GREB1: variants seen among roughly 807,000 people sequenced by gnomAD.
The protein encoded by GREB1 is protein GREB1.
GREB1 carries 106 observed loss-of-function variants against 200.7 expected under a neutral mutation model. The observed-to-expected ratio is 0.53, with a 90% CI of 0.45 to 0.62. The LOEUF (loss-of-function observed/expected upper bound fraction) is 0.62, where lower values mean the gene tolerates loss of function less well. GREB1 is among the 20% of genes least tolerant of loss of function. The pLI is 0.00. For missense variants in GREB1, 2,243 were observed against 2,556.8 expected (o/e 0.88, Z 2.65); for synonymous variants, 1,132 against 1,092.4 (o/e 1.04, Z -0.72).
rs746393853 is a variant in GREB1 at position 11,556,711 on chromosome 2, C to G, written c.97C>G (p.Pro33Ala). Residue 33 changes from proline (P) to alanine (A), a missense_variant, in exon 2 of 33, where the codon CCC becomes GCC. This residue lies in a region of GREB1 where 1,178 missense variants were observed against 1,387.4 expected (regional missense o/e 0.85). Transcript: ENST00000381486. ...EASLRSNNLV[P>A]RPIFSQLYLE... ...ATCCCTGCGGTCCAACAACCTGGTGCCCAGGCCCATCTTTTCCCAGCTGTA... is the reference window on the plus strand; with the variant it reads ...ATCCCTGCGGTCCAACAACCTGGTGGCCAGGCCCATCTTTTCCCAGCTGTA... 1.2e-6 allele frequency: 2 copies of G among 1,613,930 alleles called. No individual in the cohort carries two copies. Among genetic ancestry groups the G allele is most frequent in the Non-Finnish European group, 1.7e-6 (2 of 1,179,934 alleles).
At chr2:11,591,559 C>T in intron 10 of GREB1, 2 of 672,764 alleles carry the variant, frequency 3.0e-6, no homozygotes, top group East Asian at 2.7e-5. Flanking sequence ...AATGATGGTA[C>T]CCAGTGGTGC....
chr2:11,594,804 T>C (rs1208907037), intron 11 of GREB1, among the ~76,000 whole-genome samples: 1 of 152,152 alleles, frequency 6.6e-6, no homozygotes, highest in Non-Finnish European at 1.5e-5. Context: ...ACCATTCTCC[T>C]GCCTCAGCCT....
At chr2:11,540,081 G>A (rs1674614829) in intron 1 of GREB1, 1 of 152,324 alleles carries the variant, frequency 6.6e-6, no homozygotes, top group Non-Finnish European at 1.5e-5. Context: ...GGTCTGTGGA[G>A]TGCCTGAAGT....
intron 1 of GREB1, among the ~76,000 whole-genome samples, chr2:11,511,833 G>A (rs1456234643): frequency 6.6e-6 from 1 of 152,174 alleles, no homozygotes; most frequent in Admixed American, 6.5e-5. Flanking sequence ...CCTGCCTCTA[G>A]AGCTGATGTG....
intron 18 of GREB1, 30 bp downstream of exon 18, chr2:11,611,057 G>A: frequency 6.7e-7 from 1 of 1,502,652 alleles, no homozygotes; most frequent in South Asian, 1.3e-5. Context: ...AGGGGCGGAG[G>A]GCCTGGGGGT....
At chr2:11,537,126 C>T (rs986252898) in intron 1 of GREB1, among the ~76,000 whole-genome samples, 1 of 152,118 alleles carries the variant, frequency 6.6e-6, no homozygotes, top group Non-Finnish European at 1.5e-5. Context: ...CCGCGCCTGG[C>T]TGATTTTTGC....
At position 11,590,968 on chromosome 2, in the gene GREB1, C is replaced by T. The variant is rs898829380; in HGVS notation, c.1346-1808C>T. ...GACCATTGGGTTTGGCCATGGGAAGCGGCTGGCAACCTTGATGATGATGTA... is the reference window on the plus strand; with the variant it reads ...GACCATTGGGTTTGGCCATGGGAAGTGGCTGGCAACCTTGATGATGATGTA... On this transcript the variant is annotated intron_variant, in intron 10 of 32. Transcript: ENST00000381486. Among the ~76,000 whole-genome samples, 11 of 152,036 alleles carry T rather than the reference C, an allele frequency of 7.2e-5. No individual in the cohort carries two copies. The South Asian group carries it at 1.9e-3, about 26-fold the overall frequency.
chr2:11,532,608 G>A (rs532904935), upstream of GREB1, among the ~76,000 whole-genome samples: 4 of 152,280 alleles, frequency 2.6e-5, no homozygotes, highest in South Asian at 8.3e-4. Flanking sequence ...ACCTAAACAA[G>A]TTTGCTGCCT....
At chr2:11,620,034 T>C (rs1347467359) in intron 22 of GREB1, among the ~76,000 whole-genome samples, 2 of 152,212 alleles carry the variant, frequency 1.3e-5, no homozygotes, top group South Asian at 2.1e-4. Context: ...TTGAGTGCAG[T>C]GGCACGATCT....
intron 8 of GREB1, 72 bp downstream of exon 8, chr2:11,585,346 ATGTG>A (rs1679969502): frequency 1.1e-6 from 1 of 928,656 alleles, no homozygotes; most frequent in East Asian, 2.5e-5. Context: ...AGTTGTGTGT[ATGTG>A]TGCGTGTGTG....
At chr2:11,483,529 G>C (rs368983048) in intron 1 of GREB1, among the ~76,000 whole-genome samples, 2 of 151,870 alleles carry the variant, frequency 1.3e-5, no homozygotes, top group African/African-American at 4.8e-5. Context: ...CTTGGGACCC[G>C]GGAGAAAATT....
chr2:11,600,427 G>A (rs550837331), intron 15 of GREB1, among the ~76,000 whole-genome samples: 22 of 152,194 alleles, frequency 1.4e-4, no homozygotes, highest in Non-Finnish European at 2.2e-4. Flanking sequence ...TCATTTCAAG[G>A]TCAGAAGGAC....
Position 11,629,822 on chromosome 2 carries a change from G to A in GREB1, c.4450-126G>A. The A allele has an allele frequency of 1.1e-6, 1 of 912,228 alleles. No homozygotes were observed. Among genetic ancestry groups the A allele is most frequent in the East Asian group, 2.4e-5 (1 of 40,846 alleles). 56.5% of individuals were successfully genotyped at this position (912,228 alleles called of 1,614,324 possible). On this transcript the variant is annotated intron_variant, in intron 25 of 32. Transcript: ENST00000381486. The surrounding 1 kb of genome is among the most constrained non-coding windows in gnomAD (Gnocchi z 5.2). ...CACTTTGCACTGGAGTCACCCCGTG[G>A]GTTTCTTGTGCTGTAGGGAAGTGGT...
At chr2:11,578,617 A>T (rs929393005) in intron 6 of GREB1, among the ~76,000 whole-genome samples, 186 bp downstream of exon 6, 7 of 152,114 alleles carry the variant, frequency 4.6e-5, no homozygotes, top group Middle Eastern at 3.2e-3. Flanking sequence ...TAGGTTTTTC[A>T]TTGGGAGTTT....
chr2:11,561,468 A>G (rs764790671), intron 2 of GREB1, among the ~76,000 whole-genome samples: 1 of 151,616 alleles, frequency 6.6e-6, no homozygotes, highest in South Asian at 2.1e-4. Context: ...GGTTCAAGCA[A>G]TTCTCCTGCC....
chr2:11,596,832 T>A (rs1681301734), intron 13 of GREB1, among the ~76,000 whole-genome samples: 1 of 88,274 alleles, frequency 1.1e-5, no homozygotes, highest in African/African-American at 4.6e-5. Context: ...GTGTGTACAG[T>A]GAAAGGGGGC....
chr2:11,615,768 G>A (rs188022091), intron 20 of GREB1, among the ~76,000 whole-genome samples: 44 of 152,266 alleles, frequency 2.9e-4, no homozygotes, highest in Admixed American at 2.2e-3. Flanking sequence ...ATCTGATGCC[G>A]CCTTTTTAAT....
intron 1 of GREB1, among the ~76,000 whole-genome samples, chr2:11,504,217 T>G (rs1198665460): frequency 1.3e-5 from 2 of 152,134 alleles, no homozygotes; most frequent in Non-Finnish European, 2.9e-5. Flanking sequence ...CAAAGGAGAT[T>G]TACGTCCTGG....
intron 4 of GREB1, among the ~76,000 whole-genome samples, chr2:11,569,146 G>T (rs1407455617): frequency 6.6e-6 from 1 of 152,100 alleles, no homozygotes; most frequent in East Asian, 1.9e-4. Flanking sequence ...TTTATTGCCC[G>T]GTAATTTATC....
Sources: gnomAD v4.1 joint callset for allele counts (sites outside exome capture counted in the v4.1 genomes callset) on GRCh38, gnomAD v4.1.1 for gene constraint, gnomAD v4.1.1 regional missense constraint, Gnocchi (gnomAD v3.1) non-coding constraint, MANE v1.5 for transcripts, NCBI Gene and HGNC (gene_info 2026-07-23, HGNC 2026-07-21) for gene names.